Variants in HFM1 observed in about 807,000 individuals in gnomAD.
The protein encoded by HFM1 is probable ATP-dependent DNA helicase HFM1.
Under a neutral mutation model 192.1 loss-of-function variants are expected in HFM1, and 169 were observed. The observed-to-expected ratio is 0.88, with a 90% confidence interval of 0.78 to 1.00. HFM1 has a LOEUF of 1.00. HFM1 is among the 50% of genes least tolerant of loss of function. HFM1 has a pLI of 0.00. For synonymous variants in HFM1, 525 were observed against 537.8 expected, an observed-to-expected ratio of 0.98 and a Z score of 0.33; for missense variants, 1,661 against 1,668.0, an observed-to-expected ratio of 1.00 and a Z score of 0.07.
chr1:91,296,673 A>G (rs548641675), intron 30 of HFM1, among the ~76,000 whole-genome samples: 3 of 152,302 alleles, frequency 2.0e-5, no homozygotes, highest in East Asian at 3.9e-4. Flanking sequence ...ATCTTAATTA[A>G]GTATGTTTTC....
chr1:91,284,835 T>C (rs1667792584), intron 30 of HFM1, among the ~76,000 whole-genome samples: 1 of 152,214 alleles, frequency 6.6e-6, no homozygotes, highest in Admixed American at 6.5e-5. Context: ...ACTATAACCA[T>C]ATGTGAGAAA....
chr1:91,380,299 G>T (rs1350818060), intron 7 of HFM1, 63 bp from the exon 8 acceptor site: 2 of 1,024,566 alleles, frequency 2.0e-6, no homozygotes, highest in Non-Finnish European at 2.7e-6. Context: ...TTCTCAATTT[G>T]TTAAAAAAAA....
In HFM1 at chr1:91,400,906, T is replaced by C; in HGVS notation, c.71+106A>G. 5.5e-6 allele frequency: 3 copies of C among 546,622 alleles called. No homozygotes were observed. In the East Asian group the frequency reaches 1.0e-4, roughly 18 times the overall value. The allele number at this position is 546,622 out of a possible 1,614,324, so 33.9% of individuals were successfully genotyped here. The stretch of plus-strand genomic sequence containing the variant: ...GTAACTGAAATATCGTTCTGTTGAT[T>C]CCTCATTTTTATTTGTATATTTACC... On this transcript the variant is annotated intron_variant, in intron 2 of 38. Transcript: ENST00000370425.
intron 11 of HFM1, 148 bp downstream of exon 11, chr1:91,377,877 A>T (rs1163314887): frequency 2.7e-6 from 2 of 728,452 alleles, no homozygotes; most frequent in Admixed American, 2.8e-5. Context: ...TAATACTGTT[A>T]TATTTATGAG....
At chr1:91,351,242 T>A (rs1030610255) in intron 17 of HFM1, among the ~76,000 whole-genome samples, 2 of 151,920 alleles carry the variant, frequency 1.3e-5, no homozygotes, top group Non-Finnish European at 2.9e-5. Flanking sequence ...TTAGTAATTA[T>A]AAATTTACAT....
At chr1:91,318,640 G>GAAAACAAAAAA (rs1651609957) in intron 25 of HFM1, among the ~76,000 whole-genome samples, 1 of 150,814 alleles carries the variant, frequency 6.6e-6, no homozygotes, top group Non-Finnish European at 1.5e-5. Flanking sequence ...TACTGTTATT[G>GAAAACAAAAAA]AAAACAAAAA....
At chr1:91,357,020 A>C (rs1442240451) in intron 13 of HFM1, among the ~76,000 whole-genome samples, 1 of 152,234 alleles carries the variant, frequency 6.6e-6, no homozygotes, top group Non-Finnish European at 1.5e-5. Context: ...GAATTCTACC[A>C]AACATTCAAA....
At chr1:91,337,659 G>C (rs1231178038) in intron 20 of HFM1, among the ~76,000 whole-genome samples, 2 of 152,136 alleles carry the variant, frequency 1.3e-5, no homozygotes, top group African/African-American at 4.8e-5. Flanking sequence ...TGCAGCCTCT[G>C]TCACCCTGTG....
At chr1:91,356,068 A>G (rs1396782509) in intron 13 of HFM1, among the ~76,000 whole-genome samples, 6 of 152,224 alleles carry the variant, frequency 3.9e-5, no homozygotes, top group East Asian at 1.9e-4. Context: ...CTAGAAATCA[A>G]TAACAGGAAA....
At chr1:91,331,928 T>C (rs1468421161) in intron 20 of HFM1, among the ~76,000 whole-genome samples, 2 of 151,554 alleles carry the variant, frequency 1.3e-5, no homozygotes, top group African/African-American at 4.8e-5. Flanking sequence ...ACAAAAACTA[T>C]AAAACACTGA....
chr1:91,328,766 T>C (rs1367538713), intron 20 of HFM1: 4 of 1,610,740 alleles, frequency 2.5e-6, no homozygotes, highest in Non-Finnish European at 3.4e-6. Context: ...ATTCACTAAG[T>C]GGCTGGTGAA....
intron 17 of HFM1, 133 bp from the exon 18 acceptor site, chr1:91,351,004 T>A (rs551677691): frequency 1.4e-6 from 1 of 719,880 alleles, no homozygotes; most frequent in Non-Finnish European, 2.1e-6. Flanking sequence ...TCCAAAAACA[T>A]AAAAGAAAAC....
rs1031401686 is a variant in HFM1 at position 91,340,393 on chromosome 1, T to A, written c.2335+3037A>T. On this transcript the variant is annotated intron_variant, in intron 20 of 38. Transcript: ENST00000370425. ...CTTCATCAATGAAGGAGAAACAAAA[T>A]CCTTTTCAGATAAGCTAAGGGAATT... Among the ~76,000 whole-genome samples, 36 of 152,138 alleles carry A rather than the reference T, an allele frequency of 2.4e-4. 1 individual carries two copies. The highest frequency in any genetic ancestry group is 8.7e-4 in the African/African-American group (36 of 41,418).
intron 19 of HFM1, among the ~76,000 whole-genome samples, chr1:91,344,923 T>A (rs76444577): frequency 0.034 from 5,108 of 151,968 alleles, 136 homozygotes; most frequent in Admixed American, 0.086. Flanking sequence ...TCATTTTTTT[T>A]AAAAACTTTG....
chr1:91,264,535 G>A (rs980633640), intron 36 of HFM1, among the ~76,000 whole-genome samples: 1 of 149,126 alleles, frequency 6.7e-6, no homozygotes, highest in African/African-American at 2.5e-5. Flanking sequence ...ATCACGCCCG[G>A]CTAATTTTTT....
intron 18 of HFM1, among the ~76,000 whole-genome samples, chr1:91,348,554 A>G (rs1198371984): frequency 3.9e-5 from 6 of 152,218 alleles, no homozygotes; most frequent in Non-Finnish European, 4.4e-5. Context: ...GACAAAGTAT[A>G]AATGTCCATC....
chr1:91,288,316 C>T (rs538170957), intron 30 of HFM1, among the ~76,000 whole-genome samples: 9 of 151,550 alleles, frequency 5.9e-5, no homozygotes, highest in East Asian at 1.9e-4. Context: ...GCAGATCTCC[C>T]GGCAGAAACT....
intron 2 of HFM1, among the ~76,000 whole-genome samples, 200 bp downstream of exon 2, chr1:91,400,812 C>A (rs1664226544): frequency 6.6e-6 from 1 of 152,154 alleles, no homozygotes; most frequent in South Asian, 2.1e-4. Context: ...AAAATTATAA[C>A]ATTTAAGATG....
intron 30 of HFM1, among the ~76,000 whole-genome samples, chr1:91,306,002 A>G (rs1649548842): frequency 6.6e-6 from 1 of 152,214 alleles, no homozygotes; most frequent in Non-Finnish European, 1.5e-5. Flanking sequence ...ACTATCGAGT[A>G]TGACATTTGC....
Sources: gnomAD v4.1 joint callset for allele counts (sites outside exome capture counted in the v4.1 genomes callset) on GRCh38, gnomAD v4.1.1 for gene constraint, MANE v1.5 for transcripts, NCBI Gene and HGNC (gene_info 2026-07-23, HGNC 2026-07-21) for gene names.